FRRS1: variants seen among roughly 807,000 people sequenced by gnomAD.
The protein encoded by FRRS1 is ferric reductase 1.
In FRRS1, 51 loss-of-function variants were observed where a neutral mutation model predicts 70.7. The observed-to-expected ratio is 0.72, with a 90% CI of 0.58 to 0.91. The LOEUF (loss-of-function observed/expected upper bound fraction) is 0.91. FRRS1 is among the 40% of genes least tolerant of loss of function. FRRS1 has a pLI of 0.00. For missense variants in FRRS1, 672 were observed against 726.0 expected (o/e 0.93, Z 0.86); for synonymous variants, 225 against 238.7 (o/e 0.94, Z 0.53).
At chr1:99,709,349 C>A in intron 15 of FRRS1, 90 bp from the exon 16 acceptor site, 1 of 839,870 alleles carries the variant, frequency 1.2e-6, no homozygotes, top group Non-Finnish European at 1.9e-6. Context: ...CTGTTCACCC[C>A]AATTTCCAGG....
chr1:99,729,828 G>A, intron 7 of FRRS1, 80 bp from the exon 8 acceptor site: 1 of 855,834 alleles, frequency 1.2e-6, no homozygotes, highest in Non-Finnish European at 1.9e-6. Flanking sequence ...AAGTACATCA[G>A]GAAACCAAAT....
chr1:99,717,890 C>A (rs1485455123), intron 10 of FRRS1, among the ~76,000 whole-genome samples: 2 of 152,166 alleles, frequency 1.3e-5, no homozygotes, highest in Non-Finnish European at 2.9e-5. Flanking sequence ...GGAATACAAA[C>A]CCTATCTGGT....
At chr1:99,760,853 G>A (rs1657082832) in intron 1 of FRRS1, among the ~76,000 whole-genome samples, 1 of 152,068 alleles carries the variant, frequency 6.6e-6, no homozygotes, top group Admixed American at 6.6e-5. Flanking sequence ...GTTTCACCAT[G>A]TTGGCCAGGC....
chr1:99,718,330 T>C (rs1654635673), intron 10 of FRRS1, among the ~76,000 whole-genome samples: 1 of 152,168 alleles, frequency 6.6e-6, no homozygotes, highest in Non-Finnish European at 1.5e-5. Flanking sequence ...TTGGGTGTTT[T>C]GTTTTTTGTT....
In FRRS1 at chr1:99,747,330, A is replaced by C. The variant is rs749603978; in HGVS notation, c.297T>G (p.Ser99Arg). Residue 99 changes from serine (S) to arginine (R), a missense_variant, in exon 4 of 17, where the codon AGT becomes AGG. By Grantham distance (110) the Ser-to-Arg change is moderately radical. Coordinates refer to ENST00000646001, the MANE Select transcript of FRRS1 (RefSeq NM_001361041.2). ...CACAGGTCAAAAGTTGTGACACTTC[A>C]CTGTCAATCAATGTGAAGGAGCCAA... ...PPIGSFTLIDSEVSQLLTCED... is the reference protein window; with the variant it reads ...PPIGSFTLIDREVSQLLTCED... 2.5e-6 allele frequency: 4 copies of C among 1,613,998 alleles called. No homozygotes were observed. Among genetic ancestry groups the C allele is most frequent in the Non-Finnish European group, 1.7e-6 (2 of 1,179,902 alleles).
At chr1:99,741,299 C>A (rs1655950995) in intron 5 of FRRS1, among the ~76,000 whole-genome samples, 1 of 152,180 alleles carries the variant, frequency 6.6e-6, no homozygotes, top group Non-Finnish European at 1.5e-5. Context: ...TTCCAAAGGG[C>A]ATGTGTAGCA....
At chr1:99,732,947 G>A (rs1275986335) in intron 7 of FRRS1, among the ~76,000 whole-genome samples, 3 of 151,698 alleles carry the variant, frequency 2.0e-5, no homozygotes, top group Non-Finnish European at 4.4e-5. Flanking sequence ...GGGATCAAGT[G>A]ATCCTCCCAC....
intron 11 of FRRS1, 40 bp from the exon 12 acceptor site, chr1:99,715,712 T>C (rs752216149): frequency 1.4e-6 from 2 of 1,445,008 alleles, no homozygotes; most frequent in Admixed American, 1.7e-5. Flanking sequence ...CACTTATCCA[T>C]GTAAAAGAAA....
chr1:99,710,771 T>C, intron 15 of FRRS1, 35 bp downstream of exon 15: 1 of 1,592,678 alleles, frequency 6.3e-7, no homozygotes, highest in East Asian at 2.2e-5. Context: ...TGTATAGAAG[T>C]GCTTCTACAT....
intron 7 of FRRS1, 136 bp from the exon 8 acceptor site, chr1:99,729,884 G>T: frequency 1.6e-6 from 1 of 615,510 alleles, no homozygotes; most frequent in South Asian, 2.1e-5. Context: ...CATGAATGAT[G>T]CTATGAATTC....
intron 7 of FRRS1, among the ~76,000 whole-genome samples, chr1:99,731,182 A>C (rs1322512544): frequency 6.6e-6 from 1 of 152,252 alleles, no homozygotes. Context: ...ACAAAGGAAT[A>C]ATCTTGATTT....
intron 9 of FRRS1, among the ~76,000 whole-genome samples, chr1:99,727,851 A>G (rs1177005439): frequency 6.6e-6 from 1 of 152,236 alleles, no homozygotes; most frequent in African/African-American, 2.4e-5. Flanking sequence ...AATATCCACC[A>G]GTGTAGTCTT....
chr1:99,728,713 T>C, intron 8 of FRRS1, 73 bp from the exon 9 acceptor site: 1 of 1,327,532 alleles, frequency 7.5e-7, no homozygotes, highest in Non-Finnish European at 1.0e-6. Flanking sequence ...ATCAAAATCC[T>C]GCCCTGTTCA....
At chr1:99,729,461 C>G (rs1361229) in intron 8 of FRRS1, among the ~76,000 whole-genome samples, 189 bp downstream of exon 8, 76,305 of 152,098 alleles carry the variant, frequency 0.5, 23,157 homozygotes, top group African/African-American at 0.86. Flanking sequence ...TTTCCTACAA[C>G]AGAAACTTCT....
chr1:99,729,880 T>G (rs973350100), intron 7 of FRRS1, 132 bp from the exon 8 acceptor site: 2 of 624,072 alleles, frequency 3.2e-6, no homozygotes, highest in African/African-American at 3.7e-5. Flanking sequence ...GAATCATGAA[T>G]GATGCTATGA....
intron 9 of FRRS1, among the ~76,000 whole-genome samples, chr1:99,726,106 C>T (rs1417462345): frequency 6.6e-6 from 1 of 152,096 alleles, no homozygotes; most frequent in African/African-American, 2.4e-5. Context: ...GGAACACTTC[C>T]CCCTTGCTGT....
At chr1:99,745,166 G>A (rs1033549872) in intron 4 of FRRS1, among the ~76,000 whole-genome samples, 1 of 152,142 alleles carries the variant, frequency 6.6e-6, no homozygotes, top group African/African-American at 2.4e-5. Context: ...TATCTCTACT[G>A]TTTTGTGCAA....
intron 14 of FRRS1, chr1:99,711,341 A>C (rs114341408): frequency 6.1e-6 from 1 of 165,154 alleles, no homozygotes; most frequent in Non-Finnish European, 1.3e-5. Context: ...GTGTGTACTC[A>C]TTGTTTAGCT....
chr1:99,754,435 C>T (rs1464637856), intron 1 of FRRS1, among the ~76,000 whole-genome samples: 1 of 152,008 alleles, frequency 6.6e-6, no homozygotes, highest in Admixed American at 6.6e-5. Flanking sequence ...GCTATGGTCA[C>T]ACCACACCCC....
Sources: gnomAD v4.1 joint callset for allele counts (sites outside exome capture counted in the v4.1 genomes callset) on GRCh38, gnomAD v4.1.1 for gene constraint, MANE v1.5 for transcripts, NCBI Gene and HGNC (gene_info 2026-07-23, HGNC 2026-07-21) for gene names.